Variants in CCDC88B observed in about 807,000 individuals in gnomAD.
CCDC88B encodes the protein coiled-coil and HOOK domain protein 88B.
Under a neutral mutation model 183.7 loss-of-function variants are expected in CCDC88B, and 138 were observed. The ratio of observed to expected loss-of-function variants is 0.75; its 90% CI spans 0.65 to 0.87. CCDC88B has a LOEUF of 0.87. CCDC88B is among the 40% of genes least tolerant of loss of function. The pLI is 0.00. For synonymous variants in CCDC88B, 835 were observed against 867.5 expected (o/e 0.96, Z 0.66); for missense variants, 1,822 against 1,965.6 (o/e 0.93, Z 1.38).
At position 64,353,658 on chromosome 11, in the gene CCDC88B, C is replaced by CTACT; in HGVS notation, c.3834-56_3834-53dup. 4 of 1,601,088 alleles carry CTACT rather than the reference C, an allele frequency of 2.5e-6. No individual in the cohort carries two copies. In the South Asian group the frequency reaches 4.4e-5, roughly 18 times the overall value. On this transcript the variant is annotated intron_variant, in intron 22 of 26. Coordinates refer to ENST00000356786, the MANE Select transcript of CCDC88B (RefSeq NM_032251.6). ...CGTCCTCGCTGCAGCTTGTGCCTTG[C>CTACT]TACTGCCTCGGCCTCCCTGGGCCTC...
chr11:64,355,204 C>T lies in CCDC88B; in HGVS notation c.4110C>T (p.Ser1370=), dbSNP rs530342489. Residue 1370 remains serine, a synonymous_variant, in exon 25 of 27, where the codon TCC becomes TCT. Transcript: ENST00000356786. The stretch of plus-strand genomic sequence containing the variant: ...ATGTACCTCTTGCAGGGTCCCCTTC[C>T]CCGGCACCCATGCGCCGGGCCCAGA... ...GREADGTGSP[S]PAPMRRAQSS... The T allele has an allele frequency of 1.7e-5, 25 of 1,493,202 alleles. No individual in the cohort carries two copies. The East Asian group carries it at 5.5e-4, about 33-fold the overall frequency. 92.5% of individuals were successfully genotyped at this position (1,493,202 alleles called of 1,614,324 possible).
chr11:64,354,107 A>G lies in CCDC88B; in HGVS notation c.4036A>G (p.Thr1346Ala), dbSNP rs1376956821. 5.8e-6 allele frequency: 8 copies of G among 1,386,560 alleles called. No homozygotes were observed. In the East Asian group the frequency reaches 2.1e-4, roughly 36 times the overall value. 85.9% of individuals were successfully genotyped at this position (1,386,560 alleles called of 1,614,324 possible). A position where few individuals can be genotyped will look rare whatever the true frequency, so the allele number is the denominator to read the frequency against. ...CCTGGGGGCCGATGGGGCTGGCAGC[A>G]CCGAGAGCCTGGGGGGCCCCCCGGA... ...LRLGADGAGS[T>A]ESLGGPPETE... Residue 1346 changes from threonine to alanine, a missense_variant, in exon 24 of 27, where the codon ACC becomes GCC. Coordinates refer to ENST00000356786, the MANE Select transcript of CCDC88B (RefSeq NM_032251.6).
At chr11:64,356,749 A>C (rs1458476517) in intron 26 of CCDC88B, 9 of 461,116 alleles carry the variant, frequency 2.0e-5, no homozygotes, top group Non-Finnish European at 3.5e-5. Context: ...GGAGCTCAGG[A>C]GCTCTGGGCA....
chr11:64,351,201 G>C lies in CCDC88B; in HGVS notation c.2904G>C (p.Ala968=). ...GPAGLGPKKR[A]EPQLVETQNV... is the part of the protein sequence containing the mutation. ...CGGGGCTGGGGCCCAAAAAGCGTGC[G>C]GAGCCTCAGCTGGTGGAGACCCAGA... The change falls in exon 17 of 27, where the codon GCG becomes GCC. Residue 968 remains alanine, a synonymous_variant. Coordinates refer to ENST00000356786, the MANE Select transcript of CCDC88B (RefSeq NM_032251.6). The C allele has an allele frequency of 6.6e-7, 1 of 1,522,656 alleles. No individual in the cohort carries two copies. Among genetic ancestry groups the C allele is most frequent in the Non-Finnish European group, 8.8e-7 (1 of 1,136,324 alleles). The allele number at this position is 1,522,656 out of a possible 1,614,324, so 94.3% of individuals were successfully genotyped here.
Position 64,353,814 on chromosome 11 carries a change from G to A in CCDC88B, c.3932+1G>A. The A allele has an allele frequency of 1.9e-6, 3 of 1,613,972 alleles. No homozygotes were observed. Among genetic ancestry groups the A allele is most frequent in the Non-Finnish European group, 2.5e-6 (3 of 1,179,888 alleles). On this transcript the variant is annotated splice_donor_variant, in intron 23 of 26. Coordinates refer to ENST00000356786, the MANE Select transcript of CCDC88B (RefSeq NM_032251.6). LOFTEE classifies it high-confidence loss of function. ...AGCCTGTGCCCCTGCCCCGGACCAA[G>A]TGAGCAGCCCTGTCACCTCCCTCAG...
intron 26 of CCDC88B, 44 bp from the exon 27 acceptor site, chr11:64,356,995 G>A: frequency 2.0e-6 from 3 of 1,525,902 alleles, no homozygotes; most frequent in Non-Finnish European, 2.6e-6. Context: ...GACTCTGGGA[G>A]TCCTCCTGAG....
chr11:64,344,622 C>A lies in CCDC88B; in HGVS notation c.2081C>A (p.Ala694Asp). ...CTGGAAGGGACGGTCAGGGACCCAG[C>A]CTGGCAAAAACCACAGCAGAAGTCA... ...QRLEGTVRDPAWQKPQQKSEG... is the reference protein window; with the variant it reads ...QRLEGTVRDPDWQKPQQKSEG... Residue 694 changes from alanine to aspartate, a missense_variant, in exon 14 of 27, where the codon GCC (alanine) becomes GAC (aspartate). Physicochemically the swap from Ala to Asp is moderately radical, Grantham distance 126. Transcript: ENST00000356786. The surrounding 1 kb of genome is among the most constrained non-coding windows in gnomAD (Gnocchi z 4.5). 1 of 1,613,096 alleles carries A rather than the reference C, an allele frequency of 6.2e-7. No individual in the cohort carries two copies. Among genetic ancestry groups the A allele is most frequent in the Non-Finnish European group, 8.5e-7 (1 of 1,179,576 alleles).
intron 6 of CCDC88B, 32 bp downstream of exon 6, chr11:64,341,536 A>G (rs2035852576): frequency 6.2e-7 from 1 of 1,612,732 alleles, no homozygotes; most frequent in South Asian, 1.1e-5. Flanking sequence ...CCAGACTGGT[A>G]TGGCACCTGG....
intron 14 of CCDC88B, chr11:64,348,834 G>C (rs1019880345): frequency 5.0e-6 from 3 of 600,724 alleles, no homozygotes; most frequent in African/African-American, 3.7e-5. Context: ...CACCTAGCTG[G>C]CAGCATCCTG....
At position 64,344,036 on chromosome 11, in the gene CCDC88B, C is replaced by T; in HGVS notation, c.1495C>T (p.Pro499Ser). ...LEAPREDPVL[P>S]VLEEAPQTPV... Reference sequence around the variant, plus strand: ...GGCACCGAGAGAGGACCCTGTTCTTCCAGTGCTGGAGGAGGCTCCCCAGAC... The same window carrying T: ...GGCACCGAGAGAGGACCCTGTTCTTTCAGTGCTGGAGGAGGCTCCCCAGAC... The change falls in exon 14 of 27, where the codon CCA becomes TCA. Residue 499 changes from proline (P) to serine (S), a missense_variant. Coordinates refer to ENST00000356786, the MANE Select transcript of CCDC88B (RefSeq NM_032251.6). The surrounding 1 kb of genome is among the most constrained non-coding windows in gnomAD (Gnocchi z 4.5). The T allele has an allele frequency of 4.4e-6, 7 of 1,574,428 alleles. No individual in the cohort carries two copies. The highest frequency in any genetic ancestry group is 5.2e-6 in the Non-Finnish European group (6 of 1,159,072).
Position 64,344,332 on chromosome 11 carries a change from T to C in CCDC88B, c.1791T>C (p.Ser597=), listed in dbSNP as rs1168424030. The change falls in exon 14 of 27, where the codon TCT becomes TCC. Residue 597 remains serine (S), a synonymous_variant. Transcript: ENST00000356786. The surrounding 1 kb of genome is among the most constrained non-coding windows in gnomAD (Gnocchi z 4.5). ...CGGAGAAGGCTGGCCGTAGATCCTC[T>C]CTCCAGAGCCCTGCCTCTGTGGCCC... ...ESPEKAGRRS[S]LQSPASVAPP... 6.2e-7 allele frequency: 1 copy of C among 1,609,826 alleles called. No individual in the cohort carries two copies. The highest frequency in any genetic ancestry group is 8.5e-7 in the Non-Finnish European group (1 of 1,178,510).
intron 14 of CCDC88B, among the ~76,000 whole-genome samples, chr11:64,346,698 C>T (rs2036122682): frequency 6.6e-6 from 1 of 151,972 alleles, no homozygotes; most frequent in East Asian, 1.9e-4. Context: ...CCTTGGCCTC[C>T]CAAAGTGCTG....
intron 14 of CCDC88B, among the ~76,000 whole-genome samples, chr11:64,347,186 G>A (rs1412292579): frequency 1.3e-5 from 2 of 152,264 alleles, no homozygotes; most frequent in Admixed American, 6.5e-5. Context: ...CAGTGACCAC[G>A]AAGCTAGCAA....
rs768413760 is a variant in CCDC88B at position 64,353,474 on chromosome 11, C to T, written c.3811C>T (p.His1271Tyr). The T allele has an allele frequency of 3.1e-6, 5 of 1,612,000 alleles. No individual in the cohort carries two copies. In the Admixed American group the frequency reaches 5.0e-5, roughly 16 times the overall value. The change falls in exon 22 of 27, where the codon CAC becomes TAC. Residue 1271 changes from histidine to tyrosine, a missense_variant. His to Tyr is a moderately conservative substitution (Grantham distance 83). Transcript: ENST00000356786. ...ERSLESRDHL[H>Y]REQREYLDQL... ...CAGCCTGGAGAGTCGGGACCACCTGCACCGCGAACAGCGGGAGTACCTGTG... is the reference window on the plus strand; with the variant it reads ...CAGCCTGGAGAGTCGGGACCACCTGTACCGCGAACAGCGGGAGTACCTGTG...
chr11:64,349,672 A>T lies in CCDC88B; in HGVS notation c.2862+4A>T. ...GCTGGAAGAGGAGCTGTTCCAGGTGATGCCTGCCCGCCTGGGAGCTGGGGG... is the reference window on the plus strand; with the variant it reads ...GCTGGAAGAGGAGCTGTTCCAGGTGTTGCCTGCCCGCCTGGGAGCTGGGGG... On this transcript the variant is annotated splice_donor_region_variant and intron_variant, in intron 16 of 26. Coordinates refer to ENST00000356786, the MANE Select transcript of CCDC88B (RefSeq NM_032251.6). 3.8e-6 allele frequency: 6 copies of T among 1,584,452 alleles called. No homozygotes were observed. The highest frequency in any genetic ancestry group is 5.1e-6 in the Non-Finnish European group (6 of 1,165,234).
chr11:64,342,283 C>G lies in CCDC88B; in HGVS notation c.822-11C>G. On this transcript the variant is annotated splice_polypyrimidine_tract_variant and intron_variant, in intron 8 of 26. Transcript: ENST00000356786. Reference sequence around the variant, plus strand: ...GCCCCCAGACCCTCCCTAGACTCCCCTTCCCTCCAGGGAGGAGAAGGCCGA... The same window carrying G: ...GCCCCCAGACCCTCCCTAGACTCCCGTTCCCTCCAGGGAGGAGAAGGCCGA... The G allele has an allele frequency of 6.3e-7, 1 of 1,580,104 alleles. No homozygotes were observed. The highest frequency in any genetic ancestry group is 1.8e-5 in the Admixed American group (1 of 54,158).
chr11:64,353,781 C>T lies in CCDC88B; in HGVS notation c.3900C>T (p.Arg1300=), dbSNP rs759885403. The T allele has an allele frequency of 1.3e-5, 21 of 1,614,096 alleles. No individual in the cohort carries two copies. The highest frequency in any genetic ancestry group is 1.7e-4 in the Middle Eastern group (1 of 6,058). Residue 1300 remains arginine (R), a synonymous_variant, in exon 23 of 27, where the codon CGC becomes CGT. Coordinates refer to ENST00000356786, the MANE Select transcript of CCDC88B (RefSeq NM_032251.6). ...KLVEKIMDQY[R]VLEPVPLPRT... ...TGGAGAAGATCATGGACCAATACCG[C>T]GTGCTGGAGCCTGTGCCCCTGCCCC... is the stretch of plus-strand genomic sequence containing the variant.
rs753340392 is a variant in CCDC88B at position 64,341,897 on chromosome 11, A to T, written c.676-97A>T. 7 of 627,372 alleles carry T rather than the reference A, an allele frequency of 1.1e-5. No homozygotes were observed. In the South Asian group the frequency reaches 1.8e-4, roughly 16 times the overall value. 38.9% of individuals were successfully genotyped at this position (627,372 alleles called of 1,614,324 possible). A position where few individuals can be genotyped will look rare whatever the true frequency, so the allele number is the denominator to read the frequency against. On this transcript the variant is annotated intron_variant, in intron 7 of 26. Coordinates refer to ENST00000356786, the MANE Select transcript of CCDC88B (RefSeq NM_032251.6). ...TGATGTCACAACCAGATGGCCCAAG[A>T]CCCCAGACCACAACCCCATGTCTGG...
chr11:64,344,140 TC>T lies in CCDC88B; in HGVS notation c.1604del (p.Pro535ArgfsTer3). On this transcript the variant is annotated frameshift_variant, in exon 14 of 27. Coordinates refer to ENST00000356786, the MANE Select transcript of CCDC88B (RefSeq NM_032251.6). LOFTEE classifies it high-confidence loss of function. The surrounding 1 kb of genome is among the most constrained non-coding windows in gnomAD (Gnocchi z 4.5). ...GAGGCCCCCAGGCCTTGGACTTGGC[TC>T]CCCCGGCATTAGACTCAGTGCTCGA... Reference protein sequence around the residue: ...DGGPQALDLAPPALDSVLEAS... With the variant: ...DGGPQALDLAXPALDSVLEAS... 1 of 1,612,782 alleles carries T rather than the reference TC, an allele frequency of 6.2e-7. No individual in the cohort carries two copies. The highest frequency in any genetic ancestry group is 8.5e-7 in the Non-Finnish European group (1 of 1,179,696).
Sources: gnomAD v4.1 joint callset for allele counts (sites outside exome capture counted in the v4.1 genomes callset) on GRCh38, gnomAD v4.1.1 for gene constraint, Gnocchi (gnomAD v3.1) non-coding constraint, MANE v1.5 for transcripts, NCBI Gene and HGNC (gene_info 2026-07-23, HGNC 2026-07-21) for gene names.